PTPRD: variants seen among roughly 807,000 people sequenced by gnomAD.
The protein encoded by PTPRD is receptor-type tyrosine-protein phosphatase delta.
In PTPRD, 34 loss-of-function variants were observed where a neutral mutation model predicts 214.5. That is an observed-to-expected ratio of 0.16 (90% CI 0.12 to 0.21). The LOEUF is 0.21. PTPRD is among the 10% of genes least tolerant of loss of function. The probability of loss-of-function intolerance (pLI) is 1.00; values close to 1 mark genes in which losing one functional copy is unlikely to be tolerated. For synonymous variants in PTPRD, 1,128 were observed against 845.7 expected (o/e 1.33, Z -5.79); for missense variants, 2,545 against 2,398.7 (o/e 1.06, Z -1.27).
At chr9:9,433,354 G>A (rs766287393) in intron 8 of PTPRD, among the ~76,000 whole-genome samples, 6 of 152,138 alleles carry the variant, frequency 3.9e-5, no homozygotes, top group Non-Finnish European at 7.4e-5. Flanking sequence ...TCAGAATTAC[G>A]TTGAGGATTT....
chr9:9,940,633 T>C, intron 4 of PTPRD, among the ~76,000 whole-genome samples: 1 of 151,976 alleles, frequency 6.6e-6, no homozygotes, highest in Middle Eastern at 3.2e-3. Flanking sequence ...CTGGAGGCTA[T>C]AATATTAACA....
At chr9:9,610,690 G>A (rs2094466689) in intron 7 of PTPRD, among the ~76,000 whole-genome samples, 1 of 151,958 alleles carries the variant, frequency 6.6e-6, no homozygotes, top group Non-Finnish European at 1.5e-5. Context: ...AGACAGTATT[G>A]GTTAAGCAGC....
intron 26 of PTPRD, among the ~76,000 whole-genome samples, chr9:8,495,099 T>C (rs149039119): frequency 6.6e-4 from 101 of 152,310 alleles, no homozygotes; most frequent in African/African-American, 2.3e-3. Flanking sequence ...ATTCCTGATT[T>C]ATTTCCAGCT....
intron 8 of PTPRD, among the ~76,000 whole-genome samples, chr9:9,519,313 A>T (rs1456182754): frequency 6.6e-6 from 1 of 151,696 alleles, no homozygotes; most frequent in Non-Finnish European, 1.5e-5. Flanking sequence ...AGTGTAATAA[A>T]CTATACAAAG....
At chr9:8,598,366 C>T (rs1594894522) in intron 14 of PTPRD, among the ~76,000 whole-genome samples, 1 of 151,904 alleles carries the variant, frequency 6.6e-6, no homozygotes, top group African/African-American at 2.4e-5. Flanking sequence ...GAGGCTGAGG[C>T]AGGAGAATTG....
intron 8 of PTPRD, among the ~76,000 whole-genome samples, chr9:9,566,617 A>G (rs144260041): frequency 6.6e-6 from 1 of 152,138 alleles, no homozygotes; most frequent in East Asian, 1.9e-4. Flanking sequence ...ATAATTTAAA[A>G]AGGCTAAACA....
chr9:9,812,797 G>A lies in PTPRD; in HGVS notation c.-367-45946C>T, dbSNP rs116437511. ...TATCAAATGGACCTTGGAGACATATGCAGAAAATGCCATTTAAGAAAAGCA... is the reference window on the plus strand; with the variant it reads ...TATCAAATGGACCTTGGAGACATATACAGAAAATGCCATTTAAGAAAAGCA... On this transcript the variant is annotated intron_variant, in intron 5 of 45. Coordinates refer to ENST00000381196, the MANE Select transcript of PTPRD (RefSeq NM_002839.4). Among the ~76,000 whole-genome samples, 1,249 of 152,214 alleles carry A rather than the reference G, an allele frequency of 8.2e-3. 18 individuals carry two copies. Among genetic ancestry groups the A allele is most frequent in the African/African-American group, 0.028 (1,181 of 41,544 alleles).
At chr9:8,479,662 C>T (rs1261991810) in intron 30 of PTPRD, among the ~76,000 whole-genome samples, 1 of 152,064 alleles carries the variant, frequency 6.6e-6, no homozygotes, top group East Asian at 1.9e-4. Flanking sequence ...TGCCAATTTC[C>T]AATAATAGCT....
chr9:10,302,333 C>T (rs999217865), intron 3 of PTPRD, among the ~76,000 whole-genome samples: 3 of 152,104 alleles, frequency 2.0e-5, no homozygotes, highest in African/African-American at 4.8e-5. Flanking sequence ...TAAAGACCAT[C>T]GACACTATGA....
intron 9 of PTPRD, among the ~76,000 whole-genome samples, chr9:9,291,609 G>A (rs1159193572): frequency 6.6e-6 from 1 of 151,226 alleles, no homozygotes; most frequent in East Asian, 2.0e-4. Flanking sequence ...ATACATTACA[G>A]TAAGCAACTA....
intron 11 of PTPRD, among the ~76,000 whole-genome samples, chr9:8,788,535 A>G (rs978902676): frequency 3.9e-5 from 6 of 152,006 alleles, no homozygotes; most frequent in African/African-American, 1.4e-4. Context: ...TCAGCCTCCC[A>G]AAGTGCTGGG....
chr9:8,539,869 A>G (rs755489177), intron 14 of PTPRD, among the ~76,000 whole-genome samples: 2 of 152,158 alleles, frequency 1.3e-5, no homozygotes, highest in Non-Finnish European at 2.9e-5. Context: ...AAAAACTTGA[A>G]TGGCGATAAC....
intron 10 of PTPRD, among the ~76,000 whole-genome samples, chr9:9,095,826 C>T (rs1049604001): frequency 7.2e-5 from 11 of 152,086 alleles, no homozygotes; most frequent in Non-Finnish European, 2.9e-5. Flanking sequence ...GTATTGTTCT[C>T]AATAGCCAAG....
At chr9:10,464,486 G>GGAAGATGAAGATGAAGATGAAGAT (rs148091582) in intron 2 of PTPRD, among the ~76,000 whole-genome samples, 1 of 150,374 alleles carries the variant, frequency 6.7e-6, no homozygotes, top group African/African-American at 2.4e-5. Context: ...GAGAAAGACA[G>GGAAGATGAAGATGAAGATGAAGAT]GAAGATGAAG....
intron 8 of PTPRD, among the ~76,000 whole-genome samples, chr9:9,503,206 T>C (rs958057405): frequency 1.3e-5 from 2 of 151,798 alleles, no homozygotes; most frequent in African/African-American, 4.8e-5. Context: ...GTTATTCTTA[T>C]TTTAGTTATA....
chr9:10,502,813 T>C (rs78576598), intron 2 of PTPRD, among the ~76,000 whole-genome samples: 1,959 of 152,150 alleles, frequency 0.013, 45 homozygotes, highest in African/African-American at 0.045. Flanking sequence ...AATAATATAA[T>C]ACATTAATAG....
intron 10 of PTPRD, among the ~76,000 whole-genome samples, chr9:9,172,252 A>T (rs1390801181): frequency 6.6e-6 from 1 of 152,178 alleles, no homozygotes; most frequent in African/African-American, 2.4e-5. Context: ...CAAAAAAGGG[A>T]ATGTATAAGA....
At chr9:9,666,640 T>C (rs2096728186) in intron 7 of PTPRD, among the ~76,000 whole-genome samples, 1 of 152,008 alleles carries the variant, frequency 6.6e-6, no homozygotes, top group Non-Finnish European at 1.5e-5. Context: ...TCAATCTCTA[T>C]GTCTTATTTT....
At chr9:8,361,237 G>C (rs2078397575) in intron 39 of PTPRD, among the ~76,000 whole-genome samples, 1 of 152,246 alleles carries the variant, frequency 6.6e-6, no homozygotes, top group East Asian at 1.9e-4. Flanking sequence ...CAGATTAAAA[G>C]AAAAATTTTA....
Sources: gnomAD v4.1 joint callset for allele counts (sites outside exome capture counted in the v4.1 genomes callset) on GRCh38, gnomAD v4.1.1 for gene constraint, MANE v1.5 for transcripts, NCBI Gene and HGNC (gene_info 2026-07-23, HGNC 2026-07-21) for gene names.